Variants in RNF213 observed in about 807,000 individuals in gnomAD.
RNF213 encodes ring finger protein 213.
In RNF213, 341 loss-of-function variants were observed where a neutral mutation model predicts 514.4. The observed-to-expected ratio is 0.66, with a 90% CI of 0.61 to 0.73. The LOEUF is 0.73. Ranked by LOEUF, RNF213 falls within the 30% of genes least tolerant of loss-of-function variation. The pLI is 0.00. For synonymous variants in RNF213, 2,655 were observed against 2,658.2 expected, an observed-to-expected ratio of 1.00 and a Z score of 0.04; for missense variants, 5,767 against 6,615.6, an observed-to-expected ratio of 0.87 and a Z score of 4.45.
At chr17:80,266,693 C>T (rs1007341924) in intron 2 of RNF213, among the ~76,000 whole-genome samples, 5 of 151,598 alleles carry the variant, frequency 3.3e-5, no homozygotes, top group South Asian at 4.2e-4. Context: ...GTAGAGACGG[C>T]GTTTCACCAT....
At position 80,373,126 on chromosome 17, in the gene RNF213, G is replaced by A. The variant is rs367813903; in HGVS notation, c.12903G>A (p.Pro4301=). The change falls in exon 49 of 68, where the codon CCG becomes CCA. Residue 4301 remains proline, a synonymous_variant. Coordinates refer to ENST00000582970, the MANE Select transcript of RNF213 (RefSeq NM_001256071.3). ...AGGGCCTCTCCAAGCCCGGCCGCCCGCACCAGTGGGTGTTTCCCAAGGACG... is the reference window on the plus strand; with the variant it reads ...AGGGCCTCTCCAAGCCCGGCCGCCCACACCAGTGGGTGTTTCCCAAGGACG... ...FVQGLSKPGR[P]HQWVFPKDVV... is the part of the protein sequence containing the mutation. 1.1e-5 allele frequency: 18 copies of A among 1,612,872 alleles called. No individual in the cohort carries two copies. Among genetic ancestry groups the A allele is most frequent in the Admixed American group, 5.0e-5 (3 of 59,978 alleles).
At position 80,336,201 on chromosome 17, in the gene RNF213, C is replaced by T; in HGVS notation, c.4350C>T (p.Ile1450=). The T allele has an allele frequency of 6.5e-7, 1 of 1,537,290 alleles. No homozygotes were observed. Among genetic ancestry groups the T allele is most frequent in the Non-Finnish European group, 8.7e-7 (1 of 1,146,918 alleles). Residue 1450 remains isoleucine, a synonymous_variant, in exon 23 of 68, where the codon ATC becomes ATT. Coordinates refer to ENST00000582970, the MANE Select transcript of RNF213 (RefSeq NM_001256071.3). ...ELKVFVDLAS[I]SAGENDIDVD... ...AGGTGTTTGTGGACCTGGCCTCCAT[C>T]TCAGCGGGGGAGAATGACATTGATG...
Position 80,345,268 on chromosome 17 carries a change from C to G in RNF213, c.6933C>G (p.Asp2311Glu), listed in dbSNP as rs2078272868. 6.2e-7 allele frequency: 1 copy of G among 1,614,076 alleles called. No homozygotes were observed. Among genetic ancestry groups the G allele is most frequent in the Non-Finnish European group, 8.5e-7 (1 of 1,180,012 alleles). Residue 2311 changes from aspartate to glutamate, a missense_variant, in exon 29 of 68, where the codon GAC becomes GAG. This residue lies in a region of RNF213 where 1,377 missense variants were observed against 1,635.2 expected (regional missense o/e 0.84). Transcript: ENST00000582970. The surrounding 1 kb of genome is among the most constrained non-coding windows in gnomAD (Gnocchi z 6.0). ...EPHPYVFFND[D>E]HTTMTFIGFH... is the part of the protein sequence containing the mutation. Reference sequence around the variant, plus strand: ...ACCCATACGTTTTCTTCAATGACGACCACACAACCATGACATTCATCGGCT... The same window carrying G: ...ACCCATACGTTTTCTTCAATGACGAGCACACAACCATGACATTCATCGGCT...
At position 80,327,891 on chromosome 17, in the gene RNF213, C is replaced by G. The variant is rs572749770; in HGVS notation, c.3269C>G (p.Thr1090Arg). Residue 1090 changes from threonine to arginine, a missense_variant, in exon 19 of 68, where the codon ACG (threonine) becomes AGG (arginine). By Grantham distance (71) the Thr-to-Arg change is moderately conservative. Around this residue, in one of 13 missense-constraint regions of RNF213, gnomAD observed 516 missense variants for 566.5 expected, o/e 0.91. Transcript: ENST00000582970. ...ATAGCTGTTGCCGACTCTGTGTTGA[C>G]GAAAGTTGTTGGTGACCTCCTAAGT... ...RLIAVADSVL[T>R]KVVGDLLSGT... The G allele has an allele frequency of 1.3e-6, 2 of 1,537,206 alleles. No individual in the cohort carries two copies. The highest frequency in any genetic ancestry group is 2.4e-5 in the South Asian group (2 of 84,056).
rs1330040721 is a variant in RNF213 at position 80,372,559 on chromosome 17, T to C, written c.12576T>C (p.Asn4192=). 1 of 1,613,946 alleles carries C rather than the reference T, an allele frequency of 6.2e-7. No individual in the cohort carries two copies. Among genetic ancestry groups the C allele is most frequent in the East Asian group, 2.2e-5 (1 of 44,868 alleles). The change falls in exon 48 of 68, where the codon AAT becomes AAC. Residue 4192 remains asparagine (N), a synonymous_variant. Transcript: ENST00000582970. ...AGAAGACCAGTGCTTACTCCAGAAA[T>C]GATGAACTGAACCACCTAGAAGAGG... The part of the protein sequence containing the change: ...ILEKTSAYSR[N]DELNHLEEEG...
intron 29 of RNF213, 122 bp from the exon 30 acceptor site, chr17:80,349,648 C>A: frequency 9.1e-7 from 1 of 1,104,694 alleles, no homozygotes; most frequent in Non-Finnish European, 1.4e-6. Flanking sequence ...GATTCTGTGC[C>A]GTTGTGTGGC....
At chr17:80,358,659 C>A (rs1346325073) in intron 37 of RNF213, among the ~76,000 whole-genome samples, 180 bp downstream of exon 37, 1 of 152,172 alleles carries the variant, frequency 6.6e-6, no homozygotes, top group Non-Finnish European at 1.5e-5. Flanking sequence ...GCCTGTAATC[C>A]CAGCACTTTG....
At chr17:80,330,500 G>A (rs59109577) in intron 20 of RNF213, among the ~76,000 whole-genome samples, 1,795 of 152,238 alleles carry the variant, frequency 0.012, 43 homozygotes, top group African/African-American at 0.041. Context: ...GCGGGCTGGC[G>A]GGCCTTGGCA....
intron 10 of RNF213, among the ~76,000 whole-genome samples, chr17:80,297,082 A>T (rs1386318634): frequency 6.6e-6 from 1 of 152,162 alleles, no homozygotes; most frequent in Non-Finnish European, 1.5e-5. Context: ...GGCTTAAAGT[A>T]TGAGGAATCA....
intron 3 of RNF213, among the ~76,000 whole-genome samples, chr17:80,280,982 G>C (rs1161691885): frequency 1.3e-5 from 2 of 151,782 alleles, no homozygotes; most frequent in African/African-American, 4.9e-5. Flanking sequence ...TGTTGGTCAG[G>C]GTGTATACAC....
chr17:80,278,198 C>T (rs2044137737), intron 3 of RNF213, among the ~76,000 whole-genome samples: 1 of 152,226 alleles, frequency 6.6e-6, no homozygotes, highest in Admixed American at 6.5e-5. Flanking sequence ...TTCCTTTCCT[C>T]AGCTTCCTGC....
Position 80,346,046 on chromosome 17 carries a change from C to T in RNF213, c.7711C>T (p.Leu2571=), listed in dbSNP as rs1376956740. 1 of 1,614,192 alleles carries T rather than the reference C, an allele frequency of 6.2e-7. No individual in the cohort carries two copies. The highest frequency in any genetic ancestry group is 1.1e-5 in the South Asian group (1 of 91,086). Residue 2571 remains leucine, a synonymous_variant, in exon 29 of 68, where the codon CTG becomes TTG. Transcript: ENST00000582970. The surrounding 1 kb of genome is among the most constrained non-coding windows in gnomAD (Gnocchi z 8.1). The part of the protein sequence containing the change: ...LRQLVYRVHA[L]PPSLIPLVWD... ...GCAGCTGGTATACCGGGTCCATGCT[C>T]TGCCCCCGAGCCTGATTCCTCTGGT...
intron 55 of RNF213, among the ~76,000 whole-genome samples, chr17:80,380,561 C>A (rs2079951070): frequency 6.6e-6 from 1 of 152,200 alleles, no homozygotes; most frequent in Admixed American, 6.5e-5. Flanking sequence ...CGGGTCCAGG[C>A]CTGCGTCTTA....
chr17:80,315,809 T>TGATGGTGGTTGTGGTGGA (rs2045916519), intron 15 of RNF213: 1 of 45,874 alleles, frequency 2.2e-5, no homozygotes, highest in Non-Finnish European at 4.9e-5. Context: ...GTGGAGGTGG[T>TGATGGTGGTTGTGGTGGA]GGTGGTGGTG....
rs960526294 is a variant in RNF213 at position 80,345,442 on chromosome 17, C to T, written c.7107C>T (p.Pro2369=). Reference sequence around the variant, plus strand: ...TCAATGTCGACTTTGATAAACTGCCCAGACACAAGAAACTTGAGAGGCTCT... The same window carrying T: ...TCAATGTCGACTTTGATAAACTGCCTAGACACAAGAAACTTGAGAGGCTCT... ...VPFNVDFDKL[P]RHKKLERLCL... is the part of the protein sequence containing the mutation. Residue 2369 remains proline, a synonymous_variant, in exon 29 of 68, where the codon CCC becomes CCT. Coordinates refer to ENST00000582970, the MANE Select transcript of RNF213 (RefSeq NM_001256071.3). This position sits in a 1 kb window ranked among gnomAD's most constrained non-coding sequence, Gnocchi z 6.0. 4 of 1,612,650 alleles carry T rather than the reference C, an allele frequency of 2.5e-6. No individual in the cohort carries two copies. The highest frequency in any genetic ancestry group is 4.5e-5 in the East Asian group (2 of 44,852).
intron 20 of RNF213, among the ~76,000 whole-genome samples, chr17:80,330,372 G>C (rs1322018499): frequency 6.6e-6 from 1 of 152,226 alleles, no homozygotes; most frequent in Non-Finnish European, 1.5e-5. Flanking sequence ...CCTCTGCGGG[G>C]TGCTGCCGTG....
At position 80,367,682 on chromosome 17, in the gene RNF213, G is replaced by A. The variant is rs145279702; in HGVS notation, c.11872-66G>A. ...TGGCCCTGAATGTGGTGCTCCCTCT[G>A]TCGCCCGGCCTGGCCGCCCTCAGCC... On this transcript the variant is annotated intron_variant, in intron 42 of 67. Coordinates refer to ENST00000582970, the MANE Select transcript of RNF213 (RefSeq NM_001256071.3). 1.4e-4 allele frequency: 178 copies of A among 1,298,604 alleles called. No individual in the cohort carries two copies. The African/African-American group carries it at 2.3e-3, about 17-fold the overall frequency. 80.4% of individuals were successfully genotyped at this position (1,298,604 alleles called of 1,614,324 possible).
At chr17:80,342,135 AC>A (rs1180585944) in intron 26 of RNF213, 1 of 152,290 alleles carries the variant, frequency 6.6e-6, no homozygotes, top group Non-Finnish European at 1.5e-5. Context: ...GCCCCGTGTC[AC>A]AGCTCCCCAC....
chr17:80,391,071 C>CA (rs889698683), intron 67 of RNF213, among the ~76,000 whole-genome samples: 43 of 151,204 alleles, frequency 2.8e-4, no homozygotes, highest in African/African-American at 6.3e-4. Flanking sequence ...CAAAAACAAA[C>CA]AAAAAAAAGA....
Sources: allele counts gnomAD v4.1 joint callset (sites outside exome capture counted in the v4.1 genomes callset), GRCh38; gene constraint gnomAD v4.1.1; regional missense constraint gnomAD v4.1.1; non-coding constraint Gnocchi (gnomAD v3.1); transcripts MANE v1.5; gene names NCBI Gene and HGNC (gene_info 2026-07-23, HGNC 2026-07-21).